The following MKS1 variants were observed in gnomAD, a reference collection of about 807,000 sequenced individuals.
MKS1 encodes MKS transition zone complex subunit 1.
Under a neutral mutation model 83.7 loss-of-function variants are expected in MKS1, and 70 were observed. That is an observed-to-expected ratio of 0.84 (90% CI 0.69 to 1.02). The LOEUF (loss-of-function observed/expected upper bound fraction) is 1.02. Ranked by LOEUF, MKS1 falls within the 50% of genes least tolerant of loss-of-function variation. The pLI, the probability that MKS1 is intolerant of heterozygous loss-of-function variation, is 0.00. For missense variants in MKS1, 681 were observed against 726.9 expected, an observed-to-expected ratio of 0.94 and a Z score of 0.73; for synonymous variants, 251 against 273.4, an observed-to-expected ratio of 0.92 and a Z score of 0.81.
Position 58,207,222 on chromosome 17 carries a change from C to A in MKS1, c.1274-4G>T, listed in dbSNP as rs377033778. 19 of 1,613,926 alleles carry A rather than the reference C, an allele frequency of 1.2e-5. No individual in the cohort carries two copies. Among genetic ancestry groups the A allele is most frequent in the Non-Finnish European group, 1.5e-5 (18 of 1,180,010 alleles). ...GAGACTGTCAGGGTGTGTGAGCCTG[C>A]GCAAGGGAAGAGAAGACTGGGGCCA... is the stretch of plus-strand genomic sequence containing the variant. On this transcript the variant is annotated splice_region_variant and splice_polypyrimidine_tract_variant and intron_variant, in intron 14 of 17. Coordinates refer to ENST00000393119, the MANE Select transcript of MKS1 (RefSeq NM_017777.4).
At position 58,207,971 on chromosome 17, in the gene MKS1, C is replaced by A. The variant is rs144764478; in HGVS notation, c.1196G>T (p.Cys399Phe). 18 of 1,613,986 alleles carry A rather than the reference C, an allele frequency of 1.1e-5. No homozygotes were observed. In the African/African-American group the frequency reaches 2.3e-4, roughly 20 times the overall value. ...DALPEWPVLYCEVLSLDFWQR... is the reference protein window; with the variant it reads ...DALPEWPVLYFEVLSLDFWQR... ...CCAGAAGTCCAGCGAGAGGACCTCACAGTAGAGCACAGGCCACTCCGGGAG... is the reference window on the plus strand; with the variant it reads ...CCAGAAGTCCAGCGAGAGGACCTCAAAGTAGAGCACAGGCCACTCCGGGAG... The change falls in exon 14 of 18, where the codon TGT (cysteine) becomes TTT (phenylalanine). Residue 399 changes from cysteine to phenylalanine, a missense_variant. Coordinates refer to ENST00000393119, the MANE Select transcript of MKS1 (RefSeq NM_017777.4).
intron 2 of MKS1, among the ~76,000 whole-genome samples, chr17:58,218,317 G>A (rs907203147): frequency 6.6e-6 from 1 of 151,632 alleles, no homozygotes; most frequent in African/African-American, 2.4e-5. Flanking sequence ...GCGTGGTGGC[G>A]GGCGCCTGTA....
chr17:58,212,861 C>A (rs1968954116), intron 8 of MKS1, 121 bp downstream of exon 8: 33 of 904,146 alleles, frequency 3.6e-5, no homozygotes, highest in Middle Eastern at 4.4e-4. Flanking sequence ...CTGCCTAAGT[C>A]AGAAGGGGCC....
At chr17:58,210,160 A>G (rs1968787963) in intron 11 of MKS1, among the ~76,000 whole-genome samples, 1 of 152,210 alleles carries the variant, frequency 6.6e-6, no homozygotes, top group Non-Finnish European at 1.5e-5. Context: ...CATGTTAGAC[A>G]GAAATGACAA....
rs780293222 is a variant in MKS1, at chr17:58,216,727, C to T, written c.200G>A (p.Arg67His). 38 of 1,613,980 alleles carry T rather than the reference C, an allele frequency of 2.4e-5. No homozygotes were observed. Among genetic ancestry groups the T allele is most frequent in the Admixed American group, 6.7e-5 (4 of 60,002 alleles). ...CTCCTCCTCTTCGTCTTCCTCTGGG[C>T]GGTGTCCACCTCCAAAGACAACAGA... ...FRPQPTASGH[R>H]PEEDEEEEIV... Residue 67 changes from arginine (R) to histidine (H), a missense_variant, in exon 3 of 18, where the codon CGC becomes CAC. By Grantham distance (29) the Arg-to-His change is conservative. Coordinates refer to ENST00000393119, the MANE Select transcript of MKS1 (RefSeq NM_017777.4).
intron 10 of MKS1, 88 bp from the exon 11 acceptor site, chr17:58,210,812 G>C (rs940077543): frequency 2.7e-6 from 4 of 1,479,654 alleles, no homozygotes; most frequent in Non-Finnish European, 3.8e-6. Flanking sequence ...CACACCCTGA[G>C]AGCAAGTCTT....
chr17:58,208,405 C>T, intron 12 of MKS1, 108 bp downstream of exon 12: 3 of 1,333,330 alleles, frequency 2.3e-6, no homozygotes, highest in South Asian at 1.2e-5. Flanking sequence ...AGTCACCCAA[C>T]TCTGGAATCC....
chr17:58,210,555 G>C, intron 11 of MKS1, 104 bp downstream of exon 11: 1 of 1,128,904 alleles, frequency 8.9e-7, no homozygotes, highest in Non-Finnish European at 1.3e-6. Context: ...ACCTTGAAAA[G>C]AACAGTAACA....
At position 58,216,675 on chromosome 17, in the gene MKS1, G is replaced by A. The variant is rs969699321; in HGVS notation, c.252C>T (p.Leu84=). 1.9e-6 allele frequency: 3 copies of A among 1,614,062 alleles called. No individual in the cohort carries two copies. Among genetic ancestry groups the A allele is most frequent in the Non-Finnish European group, 2.5e-6 (3 of 1,180,028 alleles). Residue 84 remains leucine, a synonymous_variant, in exon 3 of 18, where the codon CTC becomes CTT. Transcript: ENST00000393119. ...EEIVIGWQEK[L]FSQFEVDLYQ... is the part of the protein sequence containing the mutation. ...AGAGACACTGGCTCACCTGGCTAAA[G>A]AGCTTCTCCTGCCACCCAATCACAA...
intron 15 of MKS1, 37 bp downstream of exon 15, chr17:58,207,048 G>C (rs757940223): frequency 5.0e-6 from 8 of 1,613,948 alleles, no homozygotes; most frequent in Non-Finnish European, 6.8e-6. Flanking sequence ...AGGACCATAA[G>C]TTCTCAGCGT....
At chr17:58,206,632 C>G (rs766312575) in intron 15 of MKS1, 85 bp from the exon 16 acceptor site, 95 of 1,341,208 alleles carry the variant, frequency 7.1e-5, no homozygotes, top group Admixed American at 1.1e-4. Context: ...CATTCTTATT[C>G]CCATTCTTGG....
At chr17:58,210,549 TGAAAA>T (rs1968811991) in intron 11 of MKS1, 105 bp downstream of exon 11, 1 of 1,106,710 alleles carries the variant, frequency 9.0e-7, no homozygotes, top group African/African-American at 1.5e-5. Context: ...TCTATGACCT[TGAAAA>T]GAACAGTAAC....
intron 14 of MKS1, 165 bp downstream of exon 14, chr17:58,207,729 G>A (rs775651935): frequency 3.6e-5 from 26 of 715,568 alleles, no homozygotes; most frequent in South Asian, 3.6e-4. Context: ...CGTCATTGTC[G>A]CTAATGGAGG....
chr17:58,207,816 C>A, intron 14 of MKS1, 78 bp downstream of exon 14: 2 of 1,332,530 alleles, frequency 1.5e-6, no homozygotes, highest in Admixed American at 1.7e-5. Flanking sequence ...CCACCCCTCA[C>A]CAGAAGCATT....
chr17:58,209,845 G>A lies in MKS1; in HGVS notation c.1024+814C>T, dbSNP rs770682473. 1.3e-5 allele frequency among the ~76,000 whole-genome samples: 2 copies of A among 152,214 alleles called. No individual in the cohort carries two copies. Among genetic ancestry groups the A allele is most frequent in the Non-Finnish European group, 2.9e-5 (2 of 68,030 alleles). ...TGTGGCAAATCAACGGCAAATGGGAGCAAGGCAGGAAGCAGGGGGATACAT... is the reference window on the plus strand; with the variant it reads ...TGTGGCAAATCAACGGCAAATGGGAACAAGGCAGGAAGCAGGGGGATACAT... On this transcript the variant is annotated intron_variant, in intron 11 of 17. Coordinates refer to ENST00000393119, the MANE Select transcript of MKS1 (RefSeq NM_017777.4). The surrounding 1 kb of genome is among the most constrained non-coding windows in gnomAD (Gnocchi z 4.1).
Position 58,216,185 on chromosome 17 carries a change from T to G in MKS1, c.320A>C (p.Tyr107Ser). 2 of 1,614,146 alleles carry G rather than the reference T, an allele frequency of 1.2e-6. No individual in the cohort carries two copies. The highest frequency in any genetic ancestry group is 1.7e-6 in the Non-Finnish European group (2 of 1,180,002). Residue 107 changes from tyrosine to serine, a missense_variant, in exon 4 of 18, where the codon TAC becomes TCC. By Grantham distance (144) the Tyr-to-Ser change is moderately radical (BLOSUM62 -2). Coordinates refer to ENST00000393119, the MANE Select transcript of MKS1 (RefSeq NM_017777.4). ...CTCCAGCTTCAGGATCTCCTGACGG[T>G]ACTGATAATCCAAAGGACTCTGACA... ...TACQSPLDYQYRQEILKLENS... is the reference protein window; with the variant it reads ...TACQSPLDYQSRQEILKLENS...
At chr17:58,207,742 G>A in intron 14 of MKS1, 152 bp downstream of exon 14, 2 of 760,562 alleles carry the variant, frequency 2.6e-6, no homozygotes, top group South Asian at 3.0e-5. Flanking sequence ...AATGGAGGGG[G>A]GCAGAAAGTC....
intron 4 of MKS1, 172 bp downstream of exon 4, chr17:58,215,916 A>C: frequency 1.3e-6 from 1 of 788,222 alleles, no homozygotes; most frequent in African/African-American, 1.7e-5. Flanking sequence ...CCACCTGTAG[A>C]CTGTGCCCAT....
intron 4 of MKS1, chr17:58,215,047 A>G (rs1304368356): frequency 1.5e-6 from 1 of 683,980 alleles, no homozygotes. Context: ...TTTGGATTTT[A>G]AAAAGGAGTT....
Sources: allele counts gnomAD v4.1 joint callset (sites outside exome capture counted in the v4.1 genomes callset), GRCh38; gene constraint gnomAD v4.1.1; non-coding constraint Gnocchi (gnomAD v3.1); transcripts MANE v1.5; gene names NCBI Gene and HGNC (gene_info 2026-07-23, HGNC 2026-07-21).